CDH12: variants seen among roughly 807,000 people sequenced by gnomAD.
CDH12 encodes cadherin 12.
Under a neutral mutation model 74.1 loss-of-function variants are expected in CDH12, and 41 were observed. The ratio of observed to expected loss-of-function variants is 0.55; its 90% CI spans 0.43 to 0.72. CDH12 has a LOEUF of 0.72. Among genes scored for constraint, CDH12 ranks in the 30% least tolerant of loss-of-function variants. CDH12 has a pLI of 0.00. For synonymous variants in CDH12, 399 were observed against 355.0 expected, an observed-to-expected ratio of 1.12 and a Z score of -1.39; for missense variants, 945 against 977.2, an observed-to-expected ratio of 0.97 and a Z score of 0.44.
At chr5:22,838,868 G>C (rs934771259) in intron 1 of CDH12, among the ~76,000 whole-genome samples, 2 of 151,888 alleles carry the variant, frequency 1.3e-5, no homozygotes, top group African/African-American at 2.4e-5. Context: ...AATAGAGATG[G>C]GATTTCATCA....
chr5:22,785,873 T>G (rs1747598046), intron 1 of CDH12, among the ~76,000 whole-genome samples: 2 of 151,932 alleles, frequency 1.3e-5, no homozygotes, highest in African/African-American at 4.8e-5. Context: ...TTTTAGGGGG[T>G]GTAAATTAGT....
At chr5:22,824,878 T>A (rs1749933326) in intron 1 of CDH12, among the ~76,000 whole-genome samples, 2 of 151,600 alleles carry the variant, frequency 1.3e-5, no homozygotes, top group Non-Finnish European at 2.9e-5. Context: ...GTCCAAAATT[T>A]ATATATATAT....
intron 1 of CDH12, among the ~76,000 whole-genome samples, chr5:22,610,190 G>T (rs1737325332): frequency 6.6e-6 from 1 of 152,110 alleles, no homozygotes; most frequent in Admixed American, 6.6e-5. Context: ...ATACAGACAA[G>T]CAAAGAAAAC....
intron 2 of CDH12, among the ~76,000 whole-genome samples, chr5:22,467,302 G>A (rs1745776714): frequency 6.6e-6 from 1 of 152,142 alleles, no homozygotes; most frequent in African/African-American, 2.4e-5. Context: ...TCAGGTGCCT[G>A]GCATGTGAGA....
chr5:22,063,543 A>T (rs1488102091), intron 5 of CDH12, among the ~76,000 whole-genome samples: 1 of 152,082 alleles, frequency 6.6e-6, no homozygotes, highest in Non-Finnish European at 1.5e-5. Flanking sequence ...TTTGAGTCTT[A>T]ATAGTAAACC....
At chr5:22,680,297 A>T (rs745883288) in intron 1 of CDH12, among the ~76,000 whole-genome samples, 2 of 152,114 alleles carry the variant, frequency 1.3e-5, no homozygotes, top group Non-Finnish European at 2.9e-5. Context: ...TGAAAAAGTA[A>T]TGAATGAAAT....
chr5:22,233,148 C>A lies in CDH12; in HGVS notation c.-332-20505G>T, dbSNP rs1018873016. The stretch of plus-strand genomic sequence containing the variant: ...TCTAAAGCCTTTGGATTTCCACACA[C>A]ATTTGCAAATCCACTTGTCAATTCA... On this transcript the variant is annotated intron_variant, in intron 3 of 14. Coordinates refer to ENST00000382254, the MANE Select transcript of CDH12 (RefSeq NM_004061.5). 4.6e-5 allele frequency among the ~76,000 whole-genome samples: 7 copies of A among 151,754 alleles called. No individual in the cohort carries two copies. In the East Asian group the frequency reaches 1.4e-3, roughly 29 times the overall value.
At position 22,101,349 on chromosome 5, in the gene CDH12, A is replaced by G. The variant is rs541714470; in HGVS notation, c.-186-22487T>C. On this transcript the variant is annotated intron_variant, in intron 4 of 14. Transcript: ENST00000382254. ...CGGTATGTATGTATTGTATATTTAT[A>G]TGTATTGTTATGGGAAATTTATAAT... Among the ~76,000 whole-genome samples, 6 of 152,284 alleles carry G rather than the reference A, an allele frequency of 3.9e-5. 1 individual carries two copies. The highest frequency in any genetic ancestry group is 1.4e-4 in the African/African-American group (6 of 41,574).
intron 1 of CDH12, among the ~76,000 whole-genome samples, chr5:22,694,454 C>A (rs1742244104): frequency 1.3e-5 from 2 of 152,076 alleles, no homozygotes; most frequent in South Asian, 4.1e-4. Flanking sequence ...AATTTCTCTT[C>A]AATTGCTCTC....
At chr5:21,876,991 C>A (rs996552396) in intron 6 of CDH12, among the ~76,000 whole-genome samples, 3 of 152,108 alleles carry the variant, frequency 2.0e-5, no homozygotes, top group African/African-American at 7.2e-5. Context: ...CATGTGGAGA[C>A]CAGGAATTGG....
At chr5:22,068,268 T>C (rs1026356886) in intron 5 of CDH12, among the ~76,000 whole-genome samples, 4 of 152,074 alleles carry the variant, frequency 2.6e-5, no homozygotes, top group Admixed American at 6.6e-5. Flanking sequence ...CCTGCCACAC[T>C]CTCTTCTCTT....
chr5:22,261,234 T>G (rs1226709849), intron 3 of CDH12, among the ~76,000 whole-genome samples: 1 of 151,884 alleles, frequency 6.6e-6, no homozygotes, highest in Non-Finnish European at 1.5e-5. Flanking sequence ...GTTCACAAAT[T>G]TATACAGTTT....
chr5:22,289,868 T>C (rs977758510), intron 3 of CDH12, among the ~76,000 whole-genome samples: 3 of 152,134 alleles, frequency 2.0e-5, no homozygotes, highest in Admixed American at 1.3e-4. Context: ...ACTAGACATG[T>C]CCTGGAGCCA....
chr5:22,700,819 A>C (rs1742675559), intron 1 of CDH12, among the ~76,000 whole-genome samples: 1 of 152,252 alleles, frequency 6.6e-6, no homozygotes, highest in Admixed American at 6.5e-5. Context: ...TGAGATATAA[A>C]GTAGTCCTTA....
intron 1 of CDH12, among the ~76,000 whole-genome samples, chr5:22,612,114 A>G (rs1172943145): frequency 6.6e-6 from 1 of 151,698 alleles, no homozygotes; most frequent in Non-Finnish European, 1.5e-5. Flanking sequence ...TGGTCTAAAG[A>G]CTTGCTAATT....
At chr5:22,437,014 T>C (rs1744425043) in intron 2 of CDH12, among the ~76,000 whole-genome samples, 1 of 152,154 alleles carries the variant, frequency 6.6e-6, no homozygotes, top group South Asian at 2.1e-4. Flanking sequence ...TAAATTAACA[T>C]GCCTTTTATA....
chr5:21,887,994 G>T (rs1209134896), intron 6 of CDH12, among the ~76,000 whole-genome samples: 1 of 151,678 alleles, frequency 6.6e-6, no homozygotes, highest in Non-Finnish European at 1.5e-5. Context: ...GTAAGCAGTT[G>T]ATCTAAACAA....
intron 2 of CDH12, among the ~76,000 whole-genome samples, chr5:22,432,579 A>G (rs535100121): frequency 1.0e-3 from 152 of 147,762 alleles, no homozygotes; most frequent in Non-Finnish European, 1.3e-3. Context: ...GTGTGTGTGT[A>G]TAAAATCTTC....
chr5:22,193,927 A>T (rs1462974151), intron 4 of CDH12, among the ~76,000 whole-genome samples: 1 of 152,222 alleles, frequency 6.6e-6, no homozygotes. Flanking sequence ...TAATTTTCCT[A>T]TTAAGAATAA....
Sources: gnomAD v4.1 joint callset for allele counts (sites outside exome capture counted in the v4.1 genomes callset) on GRCh38, gnomAD v4.1.1 for gene constraint, MANE v1.5 for transcripts, NCBI Gene and HGNC (gene_info 2026-07-23, HGNC 2026-07-21) for gene names.